AK5: variants seen among roughly 807,000 people sequenced by gnomAD.
AK5 encodes adenylate kinase isoenzyme 5.
Under a neutral mutation model 69.5 loss-of-function variants are expected in AK5, and 27 were observed. That is an observed-to-expected ratio of 0.39 (90% confidence interval 0.29 to 0.54). The LOEUF (loss-of-function observed/expected upper bound fraction) is 0.54, where lower values mean the gene tolerates loss of function less well. Ranked by LOEUF, AK5 falls within the 20% of genes least tolerant of loss-of-function variation. The pLI is 0.71. For missense variants in AK5, 531 were observed against 700.4 expected (o/e 0.76, Z 2.73); for synonymous variants, 260 against 244.4 (o/e 1.06, Z -0.60).
At chr1:77,545,662 T>C (rs1176597342) in intron 13 of AK5, among the ~76,000 whole-genome samples, 1 of 152,186 alleles carries the variant, frequency 6.6e-6, no homozygotes, top group Admixed American at 6.5e-5. Flanking sequence ...GAAGAGTTCT[T>C]TGAAGTATAA....
rs76660415 is a variant in AK5 at position 77,468,114 on chromosome 1, G to A, written c.1060-15203G>A. On this transcript the variant is annotated intron_variant, in intron 8 of 13. Transcript: ENST00000354567. The stretch of plus-strand genomic sequence containing the variant: ...CAAGCCTCTTGGCTTATAAATGGAG[G>A]CATGTTTATTTGAACTCTTGAGGGG... 6.2e-3 allele frequency among the ~76,000 whole-genome samples: 944 copies of A among 152,326 alleles called. 16 individuals are homozygous for A. Among genetic ancestry groups the A allele is most frequent in the African/African-American group, 0.022 (908 of 41,562 alleles).
intron 12 of AK5, among the ~76,000 whole-genome samples, chr1:77,526,778 CT>C (rs879389835): frequency 3.2e-3 from 449 of 140,708 alleles, no homozygotes; most frequent in Admixed American, 2.7e-3. Flanking sequence ...CTGGCCAAGT[CT>C]TTTTTTTTTT....
rs117161726 is a variant in AK5, at chr1:77,322,750, A to G, written c.700-17627A>G. On this transcript the variant is annotated intron_variant, in intron 5 of 13. Transcript: ENST00000354567. ...TCCAGTGCTCTCTCCACCCAACTAT[A>G]CTATCTCCCTAAGCAATAAAAAAGG... Among the ~76,000 whole-genome samples, 136 of 152,194 alleles carry G rather than the reference A, an allele frequency of 8.9e-4. 2 individuals are homozygous for G. In the East Asian group the frequency reaches 0.02, roughly 22 times the overall value.
At chr1:77,300,893 T>A (rs1056087413) in intron 5 of AK5, among the ~76,000 whole-genome samples, 2 of 152,154 alleles carry the variant, frequency 1.3e-5, no homozygotes, top group Non-Finnish European at 2.9e-5. Context: ...ACAACTATAT[T>A]TTTTTTATTA....
chr1:77,412,307 T>A (rs1448545336), intron 7 of AK5, among the ~76,000 whole-genome samples: 1 of 152,156 alleles, frequency 6.6e-6, no homozygotes, highest in Non-Finnish European at 1.5e-5. Context: ...GTCCTCATTC[T>A]CTTAAGGTCC....
intron 10 of AK5, among the ~76,000 whole-genome samples, chr1:77,492,829 G>A (rs1225335489): frequency 1.3e-5 from 2 of 152,184 alleles, no homozygotes; most frequent in Admixed American, 6.5e-5. Flanking sequence ...GAAGGTGGAG[G>A]GGGTACAGCC....
intron 12 of AK5, among the ~76,000 whole-genome samples, chr1:77,535,351 A>G (rs1658899381): frequency 6.6e-6 from 1 of 152,080 alleles, no homozygotes; most frequent in African/African-American, 2.4e-5. Context: ...CCAGGGTTTG[A>G]CCCTAAGCAG....
At chr1:77,543,850 C>T (rs886167751) in intron 13 of AK5, among the ~76,000 whole-genome samples, 25 of 151,936 alleles carry the variant, frequency 1.6e-4, no homozygotes, top group African/African-American at 4.4e-4. Context: ...TTTCCATCTC[C>T]GGTTAGTTGA....
chr1:77,454,900 C>T (rs987092669), intron 8 of AK5, among the ~76,000 whole-genome samples: 2 of 152,130 alleles, frequency 1.3e-5, no homozygotes, highest in African/African-American at 4.8e-5. Flanking sequence ...GTCATCTTCT[C>T]TCTGGACAAA....
chr1:77,304,326 G>A (rs1659511140), intron 5 of AK5, among the ~76,000 whole-genome samples: 1 of 151,418 alleles, frequency 6.6e-6, no homozygotes, highest in Admixed American at 6.6e-5. Context: ...CTCCATCCAT[G>A]TTGTTGCGTA....
At chr1:77,521,455 T>C (rs889913992) in intron 11 of AK5, among the ~76,000 whole-genome samples, 1 of 152,160 alleles carries the variant, frequency 6.6e-6, no homozygotes, top group Non-Finnish European at 1.5e-5. Context: ...TTTTATACCA[T>C]GTTTTGTCTA....
chr1:77,303,411 C>T (rs952693551), intron 5 of AK5, among the ~76,000 whole-genome samples: 1 of 152,212 alleles, frequency 6.6e-6, no homozygotes, highest in East Asian at 1.9e-4. Flanking sequence ...CACAAGTTAA[C>T]TTGAATAACA....
intron 6 of AK5, among the ~76,000 whole-genome samples, chr1:77,380,777 A>G (rs1647575054): frequency 6.6e-6 from 1 of 152,180 alleles, no homozygotes; most frequent in Non-Finnish European, 1.5e-5. Context: ...AGGTCAGAGA[A>G]AGTCTCCAAA....
chr1:77,329,349 T>C (rs1390655919), intron 5 of AK5, among the ~76,000 whole-genome samples: 1 of 152,134 alleles, frequency 6.6e-6, no homozygotes, highest in African/African-American at 2.4e-5. Flanking sequence ...AAGTTTCTTA[T>C]AATATAAAGA....
At chr1:77,384,252 TA>T (rs1368518522) in intron 6 of AK5, among the ~76,000 whole-genome samples, 4 of 152,202 alleles carry the variant, frequency 2.6e-5, no homozygotes, top group Admixed American at 6.5e-5. Context: ...AGTATATTCA[TA>T]CATTGCAGGC....
At chr1:77,428,368 C>A (rs1255696472) in intron 8 of AK5, among the ~76,000 whole-genome samples, 7 of 152,162 alleles carry the variant, frequency 4.6e-5, no homozygotes, top group Non-Finnish European at 4.4e-5. Flanking sequence ...TTCTCAAAAC[C>A]TGAAGCCACA....
intron 8 of AK5, among the ~76,000 whole-genome samples, chr1:77,480,124 G>A (rs774621337): frequency 6.5e-4 from 5 of 7,654 alleles, no homozygotes; most frequent in Non-Finnish European, 1.1e-3. Flanking sequence ...CCCCGAGTGT[G>A]TGTGTGTGTG....
chr1:77,512,190 G>T (rs964061508), intron 10 of AK5, among the ~76,000 whole-genome samples: 1 of 152,134 alleles, frequency 6.6e-6, no homozygotes, highest in African/African-American at 2.4e-5. Flanking sequence ...TTCTAAACTA[G>T]ATACGTATAT....
chr1:77,393,764 G>A (rs1305152768), intron 6 of AK5, among the ~76,000 whole-genome samples: 1 of 152,172 alleles, frequency 6.6e-6, no homozygotes, highest in East Asian at 1.9e-4. Flanking sequence ...AACTCCTCCA[G>A]AGTCACATAG....
Sources: gnomAD v4.1 joint callset for allele counts (sites outside exome capture counted in the v4.1 genomes callset) on GRCh38, gnomAD v4.1.1 for gene constraint, MANE v1.5 for transcripts, NCBI Gene and HGNC (gene_info 2026-07-23, HGNC 2026-07-21) for gene names.